The following AAK1 variants were observed in gnomAD, a reference collection of about 807,000 sequenced individuals.
The protein encoded by AAK1 is AP2-associated protein kinase 1.
AAK1 carries 37 observed loss-of-function variants against 116.0 expected under a neutral mutation model. The ratio of observed to expected loss-of-function variants is 0.32; its 90% CI spans 0.25 to 0.42. The LOEUF (loss-of-function observed/expected upper bound fraction) is 0.42, where lower values mean the gene tolerates loss of function less well. Among genes scored for constraint, AAK1 ranks in the 10% least tolerant of loss-of-function variants. The pLI, the probability that AAK1 is intolerant of heterozygous loss-of-function variation, is 1.00. For synonymous variants in AAK1, 458 were observed against 439.9 expected, an observed-to-expected ratio of 1.04 and a Z score of -0.51; for missense variants, 919 against 1,170.6, an observed-to-expected ratio of 0.79 and a Z score of 3.14.
chr2:69,631,754 T>A (rs1169092767), intron 2 of AAK1, among the ~76,000 whole-genome samples: 4 of 152,024 alleles, frequency 2.6e-5, no homozygotes, highest in Non-Finnish European at 5.9e-5. Flanking sequence ...CTGAGGCAGG[T>A]GGATTGCTTG....
At chr2:69,622,805 T>G (rs1325719009) in intron 2 of AAK1, among the ~76,000 whole-genome samples, 1 of 152,264 alleles carries the variant, frequency 6.6e-6, no homozygotes, top group East Asian at 1.9e-4. Flanking sequence ...AATACACCAA[T>G]CGACACTCCG....
intron 15 of AAK1, among the ~76,000 whole-genome samples, chr2:69,506,491 G>C (rs1676189934): frequency 6.6e-6 from 1 of 152,134 alleles, no homozygotes; most frequent in Non-Finnish European, 1.5e-5. Flanking sequence ...AGCCTCCCAA[G>C]TAGCTGGGAC....
rs562327260 is a variant in AAK1 at position 69,623,882 on chromosome 2, C to T, written c.163+18996G>A. ...TAAATGACAAAATAGAAAAAAAACC[C>T]GCAATGTATATAACAAAGGATTAAT... On this transcript the variant is annotated intron_variant, in intron 2 of 21. Coordinates refer to ENST00000409085, the MANE Select transcript of AAK1 (RefSeq NM_014911.5). 3.3e-5 allele frequency among the ~76,000 whole-genome samples: 5 copies of T among 151,868 alleles called. No individual in the cohort carries two copies. The East Asian group carries it at 7.7e-4, about 23-fold the overall frequency.
intron 2 of AAK1, among the ~76,000 whole-genome samples, chr2:69,566,530 G>A (rs1488008301): frequency 6.6e-6 from 1 of 152,130 alleles, no homozygotes; most frequent in African/African-American, 2.4e-5. Context: ...AAACGGTGGT[G>A]GTTGTGGAGG....
chr2:69,543,838 GA>G lies in AAK1; in HGVS notation c.391+597del, dbSNP rs149612477. On this transcript the variant is annotated intron_variant, in intron 4 of 21. Coordinates refer to ENST00000409085, the MANE Select transcript of AAK1 (RefSeq NM_014911.5). ...GGTTATATAAAATGCAATTAACTCT[GA>G]AAAAAATTCATGCTACAGTCTGAAT... Among the ~76,000 whole-genome samples, 707 of 152,242 alleles carry G rather than the reference GA, an allele frequency of 4.6e-3. 6 individuals carry two copies. The highest frequency in any genetic ancestry group is 0.016 in the African/African-American group (670 of 41,548).
At chr2:69,532,763 G>C (rs1670309111) in intron 5 of AAK1, among the ~76,000 whole-genome samples, 1 of 152,142 alleles carries the variant, frequency 6.6e-6, no homozygotes, top group Admixed American at 6.5e-5. Context: ...TTATGTTTCA[G>C]TTACTTCTCA....
intron 16 of AAK1, among the ~76,000 whole-genome samples, chr2:69,499,022 T>C (rs4852234): frequency 0.33 from 50,231 of 152,024 alleles, 9,766 homozygotes; most frequent in East Asian, 0.53. Flanking sequence ...CTCCATCATC[T>C]CCACAGCCAT....
chr2:69,619,585 A>G (rs1350277311), intron 2 of AAK1, among the ~76,000 whole-genome samples: 1 of 152,228 alleles, frequency 6.6e-6, no homozygotes, highest in Non-Finnish European at 1.5e-5. Context: ...ACAATACACA[A>G]ACAAGCACGT....
Position 69,643,620 on chromosome 2 carries a change from T to C in AAK1, c.-280A>G, listed in dbSNP as rs1005096282. 9.0e-6 allele frequency: 11 copies of C among 1,228,076 alleles called. No individual in the cohort carries two copies. Among genetic ancestry groups the C allele is most frequent in the East Asian group, 6.3e-5 (2 of 31,504 alleles). The allele number at this position is 1,228,076 out of a possible 1,614,324, so 76.1% of individuals were successfully genotyped here. A position where few individuals can be genotyped will look rare whatever the true frequency, so the allele number is the denominator to read the frequency against. ...GCGCCCTGCTACCAGCCCCGCGACA[T>C]TGTCACGGCCGCCGGGCCGGCCTGC... On this transcript the variant is annotated 5_prime_UTR_variant, in exon 1 of 22. The change abolishes an upstream ATG in the 5' untranslated region. Transcript: ENST00000409085.
At chr2:69,585,694 G>GT (rs1672734858) in intron 2 of AAK1, among the ~76,000 whole-genome samples, 2 of 152,130 alleles carry the variant, frequency 1.3e-5, no homozygotes, top group Admixed American at 1.3e-4. Flanking sequence ...TACCCAAAAA[G>GT]TATGTTTGGA....
At chr2:69,540,997 C>T (rs1001312186) in intron 5 of AAK1, among the ~76,000 whole-genome samples, 1 of 152,046 alleles carries the variant, frequency 6.6e-6, no homozygotes, top group Non-Finnish European at 1.5e-5. Flanking sequence ...AAAAGTCAGA[C>T]AGAAGGGGTC....
At chr2:69,500,698 T>TATATATATATACACAC in intron 16 of AAK1, among the ~76,000 whole-genome samples, 17 of 65,090 alleles carry the variant, frequency 2.6e-4, no homozygotes, top group African/African-American at 6.3e-4. Context: ...TATATATATA[T>TATATATATATACACAC]ACACACACAC....
intron 2 of AAK1, among the ~76,000 whole-genome samples, chr2:69,570,731 A>T (rs996751681): frequency 1.5e-4 from 23 of 152,216 alleles, no homozygotes; most frequent in Admixed American, 5.2e-4. Flanking sequence ...TTAATAGCAC[A>T]TCCAATCATG....
intron 2 of AAK1, among the ~76,000 whole-genome samples, chr2:69,605,798 C>T (rs548660925): frequency 1.6e-4 from 24 of 152,324 alleles, no homozygotes; most frequent in African/African-American, 5.5e-4. Context: ...TCCTCCGCTC[C>T]TACCTTCCCC....
At chr2:69,569,091 T>G (rs2105113742) in intron 2 of AAK1, among the ~76,000 whole-genome samples, 1 of 152,316 alleles carries the variant, frequency 6.6e-6, no homozygotes, top group South Asian at 2.1e-4. Flanking sequence ...CATAAGTTTC[T>G]GTGCCTCCAG....
chr2:69,573,676 A>C (rs998320525), intron 2 of AAK1, among the ~76,000 whole-genome samples: 3 of 152,200 alleles, frequency 2.0e-5, no homozygotes, highest in Admixed American at 6.5e-5. Flanking sequence ...TAAGGAAATA[A>C]CCTGAAATAT....
Position 69,509,361 on chromosome 2 carries a change from T to G in AAK1, c.1876A>C (p.Lys626Gln). 6.2e-7 allele frequency: 1 copy of G among 1,614,000 alleles called. No homozygotes were observed. Residue 626 changes from lysine to glutamine, a missense_variant, in exon 14 of 22, where the codon AAA becomes CAA. Lys to Gln is a moderately conservative substitution (Grantham distance 53). Around this residue, in one of 4 missense-constraint regions of AAK1, gnomAD observed 125 missense variants for 184.1 expected, o/e 0.68. Coordinates refer to ENST00000409085, the MANE Select transcript of AAK1 (RefSeq NM_014911.5). ...CGCCTGTGCCCAGCACGTTGGGTTTTGGGGGATGAGGGTGGAGTGAGAGAT... is the reference window on the plus strand; with the variant it reads ...CGCCTGTGCCCAGCACGTTGGGTTTGGGGGGATGAGGGTGGAGTGAGAGAT... ...VGSLTPPSSP[K>Q]TQRAGHRRIL...
Position 69,470,470 on chromosome 2 carries a change from CGACTG to C in AAK1, c.*5394_*5398del, listed in dbSNP as rs1674639454. On this transcript the variant is annotated 3_prime_UTR_variant, in exon 22 of 22. Coordinates refer to ENST00000409085, the MANE Select transcript of AAK1 (RefSeq NM_014911.5). ...TATTAGGTAGCTGCATTAAAACCCA[CGACTG>C]GGAAATGAGGGACCTCATGGAAGCC... 2.0e-6 allele frequency: 2 copies of C among 985,380 alleles called. No homozygotes were observed. The highest frequency in any genetic ancestry group is 2.3e-4 in the East Asian group (2 of 8,820). 61.0% of individuals were successfully genotyped at this position (985,380 alleles called of 1,614,324 possible). A position where few individuals can be genotyped will look rare whatever the true frequency, so the allele number is the denominator to read the frequency against.
At chr2:69,484,012 G>C (rs1675195671) in intron 17 of AAK1, among the ~76,000 whole-genome samples, 1 of 152,174 alleles carries the variant, frequency 6.6e-6, no homozygotes, top group East Asian at 1.9e-4. Flanking sequence ...AGGGAATTTA[G>C]AGCTCACATT....
Sources: allele counts gnomAD v4.1 joint callset (sites outside exome capture counted in the v4.1 genomes callset), GRCh38; gene constraint gnomAD v4.1.1; regional missense constraint gnomAD v4.1.1; transcripts MANE v1.5; gene names NCBI Gene and HGNC (gene_info 2026-07-23, HGNC 2026-07-21).